The following IQSEC1 variants were observed in gnomAD, a reference collection of about 807,000 sequenced individuals.
IQSEC1 encodes the protein IQ motif and SEC7 domain-containing protein 1.
A neutral mutation model predicts 91.0 loss-of-function variants in IQSEC1; 31 were observed. That is an observed-to-expected ratio of 0.34 (90% CI 0.26 to 0.46). IQSEC1 has a LOEUF of 0.46. Among genes scored for constraint, IQSEC1 ranks in the 20% least tolerant of loss-of-function variants. IQSEC1 has a pLI of 1.00. For missense variants in IQSEC1, 1,388 were observed against 1,575.6 expected (o/e 0.88, Z 2.02); for synonymous variants, 699 against 662.6 (o/e 1.05, Z -0.84).
In IQSEC1 at chr3:12,992,522, C is replaced by T. The variant is rs1455958794; in HGVS notation, c.24-50657G>A. On this transcript the variant is annotated intron_variant, in intron 1 of 13. Coordinates refer to ENST00000613206, the MANE Select transcript of IQSEC1 (RefSeq NM_001134382.3). The surrounding 1 kb of genome is among the most constrained non-coding windows in gnomAD (Gnocchi z 4.1). ...TGACGAGAAAGCTATTCCTGTGTCA[C>T]CTTAATTCAGAATTGTTCAGAGGGG... is the stretch of plus-strand genomic sequence containing the variant. Among the ~76,000 whole-genome samples, 2 of 152,226 alleles carry T rather than the reference C, an allele frequency of 1.3e-5. No individual in the cohort carries two copies. Among genetic ancestry groups the T allele is most frequent in the African/African-American group, 4.8e-5 (2 of 41,458 alleles).
intron 1 of IQSEC1, among the ~76,000 whole-genome samples, chr3:13,221,320 T>G (rs958807357): frequency 1.3e-5 from 2 of 152,166 alleles, no homozygotes; most frequent in African/African-American, 4.8e-5. Flanking sequence ...CAGGCCCCTC[T>G]GTCTCAGCCA....
At chr3:13,143,338 G>T (rs933094058) in intron 2 of IQSEC1, among the ~76,000 whole-genome samples, 1 of 152,216 alleles carries the variant, frequency 6.6e-6, no homozygotes, top group Non-Finnish European at 1.5e-5. Flanking sequence ...TGGGATGGGT[G>T]AAATGGGGCC....
chr3:12,954,751 A>G (rs1053965031), intron 1 of IQSEC1, among the ~76,000 whole-genome samples: 2 of 152,226 alleles, frequency 1.3e-5, no homozygotes, highest in African/African-American at 4.8e-5. Context: ...GCAGGCGCTC[A>G]GTCTGAATCT....
chr3:13,276,202 C>T (rs1695677074), intron 1 of IQSEC1, among the ~76,000 whole-genome samples: 1 of 150,008 alleles, frequency 6.7e-6, no homozygotes, highest in South Asian at 2.1e-4. Flanking sequence ...CATTCTCCTG[C>T]CTCAGCCTCC....
chr3:12,973,659 G>A (rs1701015782), intron 1 of IQSEC1, among the ~76,000 whole-genome samples: 1 of 152,144 alleles, frequency 6.6e-6, no homozygotes, highest in Non-Finnish European at 1.5e-5. Flanking sequence ...ACCCTGATGT[G>A]ATTATTAGGC....
chr3:12,979,243 TCAA>T lies in IQSEC1; in HGVS notation c.24-37381_24-37379del. Among the ~76,000 whole-genome samples, 1 of 152,316 alleles carries T rather than the reference TCAA, an allele frequency of 6.6e-6. No homozygotes were observed. The highest frequency in any genetic ancestry group is 1.9e-4 in the East Asian group (1 of 5,194). ...AATTGAATTTTCCCATGAAAATAAA[TCAA>T]CAAAAACAAAATGCTGTTATAAACT... On this transcript the variant is annotated intron_variant, in intron 1 of 13. Coordinates refer to ENST00000613206, the MANE Select transcript of IQSEC1 (RefSeq NM_001134382.3). The surrounding 1 kb of genome is among the most constrained non-coding windows in gnomAD (Gnocchi z 4.3).
chr3:12,911,249 C>T (rs770687679), intron 10 of IQSEC1, among the ~76,000 whole-genome samples: 17 of 152,244 alleles, frequency 1.1e-4, no homozygotes, highest in Non-Finnish European at 1.9e-4. Context: ...TCTTCACTTC[C>T]GCGGACACTC....
At chr3:13,017,680 C>T (rs770384639) in intron 1 of IQSEC1, among the ~76,000 whole-genome samples, 6 of 152,184 alleles carry the variant, frequency 3.9e-5, no homozygotes, top group Non-Finnish European at 7.3e-5. Flanking sequence ...TCTTCATCCC[C>T]TGAACGAAGA....
At chr3:13,100,436 G>A (rs62232955) in intron 2 of IQSEC1, among the ~76,000 whole-genome samples, 29,909 of 148,112 alleles carry the variant, frequency 0.2, 5,376 homozygotes, top group African/African-American at 0.29. Flanking sequence ...TGCTGGGGTT[G>A]GCACCCCAGG....
At chr3:13,165,110 C>T (rs1309181223) in intron 1 of IQSEC1, among the ~76,000 whole-genome samples, 2 of 152,138 alleles carry the variant, frequency 1.3e-5, no homozygotes, top group African/African-American at 2.4e-5. Flanking sequence ...CCAGCCTGGT[C>T]GCGCTCACCA....
At chr3:13,245,175 T>G (rs949732729) in intron 1 of IQSEC1, among the ~76,000 whole-genome samples, 2 of 152,088 alleles carry the variant, frequency 1.3e-5, no homozygotes, top group Non-Finnish European at 2.9e-5. Flanking sequence ...TGCCGGCAGC[T>G]CAGCAAGGGG....
rs1696532670 is a variant in IQSEC1, at chr3:12,920,568, C to T, written c.1882G>A (p.Val628Met). Residue 628 changes from valine to methionine, a missense_variant, in exon 6 of 14, where the codon GTG becomes ATG. By Grantham distance (21) the Val-to-Met change is conservative. Coordinates refer to ENST00000613206, the MANE Select transcript of IQSEC1 (RefSeq NM_001134382.3). The part of the protein sequence containing the change: ...SQRYCICNPG[V>M]VRQFRNPDTI... ...TCTGGGTTCCGGAATTGCCGCACCA[C>T]CCCAGGGTTGCAGATGCAGTAGCGC... The T allele has an allele frequency of 3.1e-6, 5 of 1,614,012 alleles. No homozygotes were observed. The South Asian group carries it at 4.4e-5, about 14-fold the overall frequency.
chr3:13,253,916 C>T (rs1008370775), intron 1 of IQSEC1, among the ~76,000 whole-genome samples: 4 of 152,148 alleles, frequency 2.6e-5, no homozygotes, highest in African/African-American at 9.7e-5. Context: ...GAACACAGGC[C>T]ACCGATGGAA....
At chr3:13,064,856 C>A (rs1705182524) in intron 1 of IQSEC1, among the ~76,000 whole-genome samples, 1 of 152,266 alleles carries the variant, frequency 6.6e-6, no homozygotes, top group Non-Finnish European at 1.5e-5. Flanking sequence ...CCTGCTCCCA[C>A]ATGCCCTCTG....
intron 3 of IQSEC1, among the ~76,000 whole-genome samples, chr3:12,932,802 G>A (rs1697800322): frequency 6.6e-6 from 1 of 152,150 alleles, no homozygotes; most frequent in African/African-American, 2.4e-5. Context: ...CTGCCCTCCC[G>A]CAGCACCGCC....
At chr3:13,113,413 T>C (rs1163704082) in intron 2 of IQSEC1, among the ~76,000 whole-genome samples, 1 of 152,182 alleles carries the variant, frequency 6.6e-6, no homozygotes, top group Admixed American at 6.5e-5. Context: ...CCTGTGCATC[T>C]GTGAAGTGGG....
At chr3:12,999,982 T>C (rs908009301) in intron 1 of IQSEC1, among the ~76,000 whole-genome samples, 5 of 152,248 alleles carry the variant, frequency 3.3e-5, no homozygotes, top group Non-Finnish European at 5.9e-5. Context: ...AGCATTTGCC[T>C]CCCTGCTTAG....
chr3:13,038,187 T>C (rs1056131661), intron 1 of IQSEC1, among the ~76,000 whole-genome samples: 5 of 147,078 alleles, frequency 3.4e-5, no homozygotes, highest in Admixed American at 2.8e-4. Context: ...TATAAGTATA[T>C]ATAAGTATGT....
intron 2 of IQSEC1, among the ~76,000 whole-genome samples, chr3:12,939,632 G>A (rs1285383470): frequency 6.6e-6 from 1 of 152,150 alleles, no homozygotes; most frequent in African/African-American, 2.4e-5. Context: ...GGCCCTTGAT[G>A]TCGCCTCCTC....
Sources: allele counts gnomAD v4.1 joint callset (sites outside exome capture counted in the v4.1 genomes callset), GRCh38; gene constraint gnomAD v4.1.1; non-coding constraint Gnocchi (gnomAD v3.1); transcripts MANE v1.5; gene names NCBI Gene and HGNC (gene_info 2026-07-23, HGNC 2026-07-21).